Variants in MACROD2 observed in about 807,000 individuals in gnomAD.
MACROD2 encodes mono-ADP ribosylhydrolase 2.
A neutral mutation model predicts 70.4 loss-of-function variants in MACROD2; 36 were observed. That is an observed-to-expected ratio of 0.51 (90% CI 0.39 to 0.68). The LOEUF (loss-of-function observed/expected upper bound fraction) is 0.68, where lower values mean the gene tolerates loss of function less well. MACROD2 is among the 30% of genes least tolerant of loss of function. The pLI is 0.00. For missense variants in MACROD2, 496 were observed against 538.4 expected (o/e 0.92, Z 0.78); for synonymous variants, 172 against 178.8 (o/e 0.96, Z 0.30).
At chr20:14,504,925 T>C (rs1308314923) in intron 4 of MACROD2, among the ~76,000 whole-genome samples, 1 of 152,212 alleles carries the variant, frequency 6.6e-6, no homozygotes. Flanking sequence ...TATACATATG[T>C]ATCTGCAAAT....
chr20:15,090,669 C>T (rs996082071), intron 5 of MACROD2, among the ~76,000 whole-genome samples: 8 of 151,910 alleles, frequency 5.3e-5, no homozygotes, highest in African/African-American at 1.9e-4. Context: ...CTCAGGAGAG[C>T]TGAGTACCCT....
intron 3 of MACROD2, among the ~76,000 whole-genome samples, chr20:14,448,044 T>G (rs908049870): frequency 1.3e-5 from 2 of 149,580 alleles, no homozygotes; most frequent in African/African-American, 4.9e-5. Context: ...GAGAGAGAGA[T>G]GTAAACATCT....
At chr20:14,558,634 A>G (rs1215409130) in intron 4 of MACROD2, among the ~76,000 whole-genome samples, 2 of 151,832 alleles carry the variant, frequency 1.3e-5, no homozygotes, top group African/African-American at 2.4e-5. Flanking sequence ...TCAGGAAAAC[A>G]TAACTATTGC....
intron 6 of MACROD2, among the ~76,000 whole-genome samples, chr20:15,267,190 C>G (rs191437591): frequency 6.6e-5 from 10 of 152,284 alleles, no homozygotes; most frequent in Admixed American, 3.9e-4. Flanking sequence ...CATCCCCACT[C>G]CAACTTGGCC....
chr20:15,852,474 A>G (rs1263692405), intron 8 of MACROD2, among the ~76,000 whole-genome samples: 7 of 152,272 alleles, frequency 4.6e-5, no homozygotes, highest in Non-Finnish European at 1.0e-4. Flanking sequence ...TCACCCAAAC[A>G]TCTCTGGGAA....
chr20:15,488,215 A>G (rs2146467635), intron 7 of MACROD2, among the ~76,000 whole-genome samples: 1 of 152,326 alleles, frequency 6.6e-6, no homozygotes, highest in South Asian at 2.1e-4. Flanking sequence ...CAGAAACTCC[A>G]GAGAGCAGCA....
At chr20:14,287,139 G>A (rs973745326) in intron 3 of MACROD2, among the ~76,000 whole-genome samples, 1 of 152,128 alleles carries the variant, frequency 6.6e-6, no homozygotes, top group Non-Finnish European at 1.5e-5. Flanking sequence ...CCCCAATGAG[G>A]CATGACCAAG....
intron 5 of MACROD2, among the ~76,000 whole-genome samples, chr20:15,123,418 T>C (rs1250042581): frequency 1.3e-5 from 2 of 152,176 alleles, no homozygotes; most frequent in Non-Finnish European, 2.9e-5. Context: ...CTGTGGAAAC[T>C]GAGCAAGTAA....
At chr20:15,243,842 C>T (rs1200743407) in intron 6 of MACROD2, among the ~76,000 whole-genome samples, 6 of 150,610 alleles carry the variant, frequency 4.0e-5, no homozygotes, top group Admixed American at 2.0e-4. Context: ...AGGAGAATGG[C>T]GTGAATCTGG....
At chr20:14,177,260 C>T (rs2081269884) in intron 3 of MACROD2, among the ~76,000 whole-genome samples, 1 of 151,208 alleles carries the variant, frequency 6.6e-6, no homozygotes, top group South Asian at 2.1e-4. Context: ...TGATGGCTAG[C>T]CCTATCAGAC....
chr20:15,103,340 A>AT (rs952950201), intron 5 of MACROD2, among the ~76,000 whole-genome samples: 6 of 151,834 alleles, frequency 4.0e-5, no homozygotes, highest in South Asian at 2.1e-4. Flanking sequence ...AAAAAGGGCC[A>AT]TTTTTTTTCA....
intron 8 of MACROD2, among the ~76,000 whole-genome samples, chr20:15,686,505 A>G (rs966222464): frequency 6.6e-6 from 1 of 152,166 alleles, no homozygotes; most frequent in Non-Finnish European, 1.5e-5. Flanking sequence ...AAAGCAGTAG[A>G]AGGGCCAGCT....
intron 2 of MACROD2, among the ~76,000 whole-genome samples, chr20:14,019,993 T>C (rs1229018222): frequency 6.6e-6 from 1 of 152,178 alleles, no homozygotes; most frequent in Non-Finnish European, 1.5e-5. Context: ...TCATTTAAAC[T>C]GTAAACTAAA....
chr20:14,925,447 G>A (rs1412292111), intron 5 of MACROD2, among the ~76,000 whole-genome samples: 1 of 152,108 alleles, frequency 6.6e-6, no homozygotes, highest in African/African-American at 2.4e-5. Context: ...TTTTCTGAAG[G>A]CATGACTTAA....
intron 8 of MACROD2, among the ~76,000 whole-genome samples, chr20:15,734,518 T>G (rs899196352): frequency 6.6e-6 from 1 of 152,150 alleles, no homozygotes; most frequent in Non-Finnish European, 1.5e-5. Flanking sequence ...ATAATAAATT[T>G]TCTGTGAAAT....
At chr20:15,445,717 G>A (rs1293421725) in intron 7 of MACROD2, among the ~76,000 whole-genome samples, 2 of 152,076 alleles carry the variant, frequency 1.3e-5, no homozygotes, top group Non-Finnish European at 2.9e-5. Flanking sequence ...AAGATCATAG[G>A]CTCTTAGAAC....
rs935073846 is a variant in MACROD2 at position 14,783,217 on chromosome 20, T to C, written c.418+98258T>C. On this transcript the variant is annotated intron_variant, in intron 5 of 17. Coordinates refer to ENST00000684519, the MANE Select transcript of MACROD2 (RefSeq NM_001351661.2). ...TCTTTCTAAATCCTAATGATGTGTA[T>C]GAATACCATAGAAGTAGCAATAGCT... 2.4e-4 allele frequency among the ~76,000 whole-genome samples: 37 copies of C among 152,288 alleles called. No homozygotes were observed. In the East Asian group the frequency reaches 6.9e-3, roughly 29 times the overall value.
chr20:15,205,970 A>T (rs917531140), intron 5 of MACROD2, among the ~76,000 whole-genome samples: 2 of 152,170 alleles, frequency 1.3e-5, no homozygotes, highest in Non-Finnish European at 2.9e-5. Flanking sequence ...GTTGGGCAGT[A>T]AAGCAATTTG....
intron 3 of MACROD2, among the ~76,000 whole-genome samples, chr20:14,226,203 A>G (rs2081731663): frequency 1.3e-5 from 2 of 152,144 alleles, no homozygotes; most frequent in South Asian, 4.1e-4. Flanking sequence ...TTAGCAGAGG[A>G]CCTCAGTGTT....
Sources: gnomAD v4.1 joint callset for allele counts (sites outside exome capture counted in the v4.1 genomes callset) on GRCh38, gnomAD v4.1.1 for gene constraint, MANE v1.5 for transcripts, NCBI Gene and HGNC (gene_info 2026-07-23, HGNC 2026-07-21) for gene names.